Variants in ICA1L observed in about 807,000 individuals in gnomAD.
ICA1L encodes the protein islet cell autoantigen 1-like protein.
Under a neutral mutation model 61.3 loss-of-function variants are expected in ICA1L, and 50 were observed. The ratio of observed to expected loss-of-function variants is 0.82; its 90% CI spans 0.65 to 1.03. ICA1L has a LOEUF of 1.03. Ranked by LOEUF, ICA1L falls within the 50% of genes least tolerant of loss-of-function variation. ICA1L has a pLI of 0.00. For synonymous variants in ICA1L, 161 were observed against 191.3 expected (o/e 0.84, Z 1.31); for missense variants, 508 against 556.7 (o/e 0.91, Z 0.88).
chr2:202,862,145 GAAATC>G (rs1282462065), intron 1 of ICA1L, among the ~76,000 whole-genome samples: 1 of 151,188 alleles, frequency 6.6e-6, no homozygotes, highest in Admixed American at 6.6e-5. Context: ...TACTACTTTA[GAAATC>G]AATAGAAACC....
Position 202,825,778 on chromosome 2 carries a change from A to T in ICA1L, c.163-11T>A, listed in dbSNP as rs1693827697. 2 of 1,511,242 alleles carry T rather than the reference A, an allele frequency of 1.3e-6. No homozygotes were observed. Among genetic ancestry groups the T allele is most frequent in the East Asian group, 4.7e-5 (2 of 42,814 alleles). 93.6% of individuals were successfully genotyped at this position (1,511,242 alleles called of 1,614,324 possible). On this transcript the variant is annotated splice_polypyrimidine_tract_variant and intron_variant, in intron 2 of 12. Transcript: ENST00000358299. Reference sequence around the variant, plus strand: ...AACAGAGTGAAAAACCTTGAGATATAAATTTTATTAGGACAATTTAAAGAA... The same window carrying T: ...AACAGAGTGAAAAACCTTGAGATATTAATTTTATTAGGACAATTTAAAGAA...
intron 1 of ICA1L, among the ~76,000 whole-genome samples, chr2:202,864,607 A>ATG (rs1362448637): frequency 6.6e-6 from 1 of 151,080 alleles, no homozygotes; most frequent in South Asian, 2.1e-4. Flanking sequence ...ATGTATGTAT[A>ATG]TGTGTGTGTG....
At chr2:202,823,611 CAATGACA>C (rs2105854244) in intron 3 of ICA1L, among the ~76,000 whole-genome samples, 1 of 152,318 alleles carries the variant, frequency 6.6e-6, no homozygotes, top group South Asian at 2.1e-4. Flanking sequence ...CCATTAGTTT[CAATGACA>C]GACTCTTCTG....
intron 1 of ICA1L, among the ~76,000 whole-genome samples, chr2:202,830,206 G>C (rs572507838): frequency 1.3e-5 from 2 of 152,228 alleles, no homozygotes; most frequent in South Asian, 4.2e-4. Flanking sequence ...TCAGGAGATC[G>C]AGACCATCCT....
At chr2:202,869,314 T>C (rs893593919) in intron 1 of ICA1L, among the ~76,000 whole-genome samples, 3 of 151,912 alleles carry the variant, frequency 2.0e-5, no homozygotes, top group Non-Finnish European at 4.4e-5. Context: ...GCCGAGATCC[T>C]GCCACTGCAC....
At chr2:202,811,837 T>G in intron 8 of ICA1L, 48 bp from the exon 9 acceptor site, 2 of 1,327,724 alleles carry the variant, frequency 1.5e-6, no homozygotes, top group Non-Finnish European at 2.1e-6. Flanking sequence ...ATAATACACT[T>G]GTGATTCATA....
chr2:202,789,803 T>C (rs535378774), intron 10 of ICA1L, among the ~76,000 whole-genome samples: 198 of 152,358 alleles, frequency 1.3e-3, no homozygotes, highest in African/African-American at 4.6e-3. Context: ...TAGAAGACCA[T>C]TGGTTTGGAC....
intron 1 of ICA1L, among the ~76,000 whole-genome samples, chr2:202,851,697 G>A (rs558827649): frequency 3.8e-4 from 58 of 152,172 alleles, no homozygotes; most frequent in Middle Eastern, 3.4e-3. Flanking sequence ...TTTAATGATC[G>A]CCATTCTAAC....
chr2:202,859,248 T>C (rs1694846172), intron 1 of ICA1L, among the ~76,000 whole-genome samples: 1 of 152,206 alleles, frequency 6.6e-6, no homozygotes, highest in Non-Finnish European at 1.5e-5. Context: ...AACATTAGAT[T>C]ATAATTGAAT....
intron 1 of ICA1L, among the ~76,000 whole-genome samples, chr2:202,850,398 T>C (rs1694585674): frequency 6.6e-6 from 1 of 151,990 alleles, no homozygotes; most frequent in South Asian, 2.1e-4. Context: ...TGATAAAAGG[T>C]TACAGGAACT....
intron 9 of ICA1L, among the ~76,000 whole-genome samples, chr2:202,809,370 C>T (rs924190072): frequency 5.3e-5 from 8 of 151,800 alleles, no homozygotes; most frequent in Non-Finnish European, 1.0e-4. Context: ...AGAGAATAGG[C>T]CAGGTGCAGT....
chr2:202,841,808 G>A (rs1397249157), intron 1 of ICA1L: 1 of 333,822 alleles, frequency 3.0e-6, no homozygotes, highest in Non-Finnish European at 5.9e-6. Context: ...GAGGCAGGTG[G>A]GCTGAACCAG....
chr2:202,773,978 A>G lies in ICA1L; in HGVS notation c.*5555T>C, dbSNP rs1203590679. 3.1e-6 allele frequency: 3 copies of G among 953,612 alleles called. No individual in the cohort carries two copies. Among genetic ancestry groups the G allele is most frequent in the African/African-American group, 3.3e-5 (2 of 61,014 alleles). The allele number at this position is 953,612 out of a possible 1,614,324, so 59.1% of individuals were successfully genotyped here. On this transcript the variant is annotated 3_prime_UTR_variant, in exon 13 of 13. Transcript: ENST00000358299. ...TACTTGCCACTGTGTTTTAAAAGGT[A>G]TATGGTACTAAGAAGAGTTGGCTGT...
rs372765564 is a variant in ICA1L, at chr2:202,785,873, T to G, written c.1333+45A>C. 4.5e-4 allele frequency: 477 copies of G among 1,063,036 alleles called. 3 individuals are homozygous for G. Among genetic ancestry groups the G allele is most frequent in the Non-Finnish European group, 6.4e-4 (447 of 703,148 alleles). 65.9% of individuals were successfully genotyped at this position (1,063,036 alleles called of 1,614,324 possible). On this transcript the variant is annotated intron_variant, in intron 12 of 12. Coordinates refer to ENST00000358299, the MANE Select transcript of ICA1L (RefSeq NM_001288622.3). Reference sequence around the variant, plus strand: ...TTTTCTAAATTTATCTGAATTCAACTGATTCTTAAAGCAATGATAAAGAAT... The same window carrying G: ...TTTTCTAAATTTATCTGAATTCAACGGATTCTTAAAGCAATGATAAAGAAT...
chr2:202,836,075 T>C (rs148881830), intron 1 of ICA1L, among the ~76,000 whole-genome samples: 1 of 152,274 alleles, frequency 6.6e-6, no homozygotes, highest in Non-Finnish European at 1.5e-5. Flanking sequence ...GCGCTGAAAG[T>C]GGGCATACTT....
Position 202,785,945 on chromosome 2 carries a change from A to G in ICA1L, c.1306T>C (p.Ser436Pro). Reference protein sequence around the residue: ...LSHTDNQPVPSQSPKKLTRSP... With the variant: ...LSHTDNQPVPPQSPKKLTRSP... The stretch of plus-strand genomic sequence containing the variant: ...CTTGTTAATTTCTTTGGACTCTGTG[A>G]AGGCACTGGCTGGTTATCAGTGTGT... Residue 436 changes from serine to proline, a missense_variant, in exon 12 of 13, where the codon TCA (serine) becomes CCA (proline). Transcript: ENST00000358299. 6.2e-7 allele frequency: 1 copy of G among 1,603,748 alleles called. No individual in the cohort carries two copies. The highest frequency in any genetic ancestry group is 8.5e-7 in the Non-Finnish European group (1 of 1,171,582).
chr2:202,826,345 T>C (rs1693842225), intron 2 of ICA1L, among the ~76,000 whole-genome samples: 1 of 152,214 alleles, frequency 6.6e-6, no homozygotes, highest in Non-Finnish European at 1.5e-5. Context: ...CAGTAGACTC[T>C]CATTTCAAAA....
intron 1 of ICA1L, among the ~76,000 whole-genome samples, chr2:202,869,245 C>G (rs1488151222): frequency 6.6e-6 from 1 of 151,932 alleles, no homozygotes; most frequent in Non-Finnish European, 1.5e-5. Context: ...GTAGTCCCAG[C>G]TACTCCGGAG....
intron 1 of ICA1L, among the ~76,000 whole-genome samples, chr2:202,841,971 C>T (rs1263526125): frequency 6.6e-6 from 1 of 151,664 alleles, no homozygotes. Flanking sequence ...CTGCCTTAGT[C>T]TCCCGAGTAG....
Sources: allele counts gnomAD v4.1 joint callset (sites outside exome capture counted in the v4.1 genomes callset), GRCh38; gene constraint gnomAD v4.1.1; transcripts MANE v1.5; gene names NCBI Gene and HGNC (gene_info 2026-07-23, HGNC 2026-07-21).